Variants in IQSEC1 observed in about 807,000 individuals in gnomAD.
IQSEC1 encodes the protein IQ motif and SEC7 domain-containing protein 1.
A neutral mutation model predicts 91.0 loss-of-function variants in IQSEC1; 31 were observed. That is an observed-to-expected ratio of 0.34 (90% CI 0.26 to 0.46). The LOEUF is 0.46. Ranked by LOEUF, IQSEC1 falls within the 20% of genes least tolerant of loss-of-function variation. IQSEC1 has a pLI of 1.00. For missense variants in IQSEC1, 1,388 were observed against 1,575.6 expected, an observed-to-expected ratio of 0.88 and a Z score of 2.02; for synonymous variants, 699 against 662.6, an observed-to-expected ratio of 1.05 and a Z score of -0.84.
At chr3:13,022,826 T>C (rs988349396) in intron 1 of IQSEC1, among the ~76,000 whole-genome samples, 3 of 150,838 alleles carry the variant, frequency 2.0e-5, no homozygotes, top group East Asian at 3.9e-4. Context: ...TGGTTGGCCC[T>C]CCAAGGGTCT....
intron 2 of IQSEC1, among the ~76,000 whole-genome samples, chr3:13,147,636 C>T (rs11706255): frequency 0.58 from 88,179 of 151,982 alleles, 25,643 homozygotes; most frequent in Middle Eastern, 0.62. Context: ...ATGTATGTGC[C>T]GGTGTCTTAT....
intron 2 of IQSEC1, among the ~76,000 whole-genome samples, chr3:13,112,060 G>A (rs1414393894): frequency 6.6e-6 from 1 of 152,134 alleles, no homozygotes; most frequent in African/African-American, 2.4e-5. Flanking sequence ...TGCACACGCT[G>A]TTCCCCTGGT....
At chr3:13,173,845 A>G (rs1287646052) in intron 1 of IQSEC1, among the ~76,000 whole-genome samples, 2 of 152,136 alleles carry the variant, frequency 1.3e-5, no homozygotes, top group Non-Finnish European at 2.9e-5. Flanking sequence ...TAGAAATGCA[A>G]ATTCTCTGGC....
At chr3:13,200,619 G>T (rs1294501626) in intron 1 of IQSEC1, among the ~76,000 whole-genome samples, 1 of 152,238 alleles carries the variant, frequency 6.6e-6, no homozygotes, top group African/African-American at 2.4e-5. Context: ...TGACGGACAG[G>T]CAGCTGAAAG....
At chr3:12,956,227 A>C (rs73813741) in intron 1 of IQSEC1, among the ~76,000 whole-genome samples, 1 of 152,294 alleles carries the variant, frequency 6.6e-6, no homozygotes, top group East Asian at 1.9e-4. Flanking sequence ...CTTCCTGCCT[A>C]TTGACGGCAT....
chr3:12,931,938 C>T (rs893882447), intron 3 of IQSEC1, among the ~76,000 whole-genome samples: 7 of 152,228 alleles, frequency 4.6e-5, no homozygotes, highest in African/African-American at 7.2e-5. Flanking sequence ...CCAAGCCCTG[C>T]GTACATGTTT....
At chr3:12,953,358 G>A (rs891974931) in intron 1 of IQSEC1, among the ~76,000 whole-genome samples, 2 of 152,224 alleles carry the variant, frequency 1.3e-5, no homozygotes, top group Admixed American at 6.5e-5. Context: ...GGCGGAGACC[G>A]GCCTCACTGA....
intron 1 of IQSEC1, among the ~76,000 whole-genome samples, chr3:13,229,037 A>T (rs1413698238): frequency 1.3e-5 from 2 of 152,160 alleles, no homozygotes; most frequent in Non-Finnish European, 2.9e-5. Context: ...AGTATAGATT[A>T]TGGAATAAAC....
intron 2 of IQSEC1, among the ~76,000 whole-genome samples, chr3:13,100,438 C>T (rs1706036960): frequency 6.7e-6 from 1 of 148,704 alleles, no homozygotes; most frequent in Non-Finnish European, 1.5e-5. Context: ...CTGGGGTTGG[C>T]ACCCCAGGGT....
chr3:13,218,318 G>C (rs2125071080), intron 1 of IQSEC1, among the ~76,000 whole-genome samples: 1 of 152,324 alleles, frequency 6.6e-6, no homozygotes, highest in East Asian at 1.9e-4. Context: ...TAGTCCCCAG[G>C]GTCTGGCTCA....
chr3:13,000,948 C>CT (rs10553726), intron 1 of IQSEC1, among the ~76,000 whole-genome samples: 20,581 of 121,508 alleles, frequency 0.17, 2,162 homozygotes, highest in African/African-American at 0.27. Context: ...CCAAGTGAGT[C>CT]TTTTTTTTTT....
chr3:13,224,190 A>G (rs1694712124), intron 1 of IQSEC1, among the ~76,000 whole-genome samples: 1 of 152,128 alleles, frequency 6.6e-6, no homozygotes, highest in Admixed American at 6.5e-5. Flanking sequence ...GTTAGAGCCG[A>G]CATCGACCTC....
intron 2 of IQSEC1, among the ~76,000 whole-genome samples, chr3:13,113,733 T>A (rs1299458080): frequency 6.6e-6 from 1 of 152,064 alleles, no homozygotes; most frequent in East Asian, 1.9e-4. Flanking sequence ...GTGGGCCGCA[T>A]GGCAGGGGCT....
intron 1 of IQSEC1, among the ~76,000 whole-genome samples, chr3:13,175,634 A>C (rs1410944368): frequency 6.6e-6 from 1 of 152,242 alleles, no homozygotes; most frequent in Non-Finnish European, 1.5e-5. Context: ...CTGGGTTGCT[A>C]TAACAAAAAT....
chr3:13,260,757 G>A (rs962007981), intron 1 of IQSEC1, among the ~76,000 whole-genome samples: 1 of 145,074 alleles, frequency 6.9e-6, no homozygotes, highest in Admixed American at 6.8e-5. Context: ...CTCCTGGCAG[G>A]GTGCACGGGG....
chr3:13,223,466 T>C (rs112687368), intron 1 of IQSEC1, among the ~76,000 whole-genome samples: 3,699 of 152,278 alleles, frequency 0.024, 87 homozygotes, highest in African/African-American at 0.067. Flanking sequence ...GAGTCCTCCC[T>C]GCTGCAGAGG....
chr3:12,954,671 C>T (rs895334192), intron 1 of IQSEC1, among the ~76,000 whole-genome samples: 3 of 152,320 alleles, frequency 2.0e-5, no homozygotes, highest in African/African-American at 7.2e-5. Flanking sequence ...GAGGTCAGCT[C>T]GGGAAGGGCA....
At chr3:13,015,143 T>G (rs763665375) in intron 1 of IQSEC1, among the ~76,000 whole-genome samples, 1 of 152,126 alleles carries the variant, frequency 6.6e-6, no homozygotes, top group Non-Finnish European at 1.5e-5. Flanking sequence ...CTCTGAGGAC[T>G]TCTGACTTCT....
chr3:13,098,277 A>T (rs974236646), intron 2 of IQSEC1, among the ~76,000 whole-genome samples: 1 of 152,258 alleles, frequency 6.6e-6, no homozygotes, highest in South Asian at 2.1e-4. Context: ...GGAACCAACG[A>T]GGAAGCAAAC....
Sources: allele counts gnomAD v4.1 joint callset (sites outside exome capture counted in the v4.1 genomes callset), GRCh38; gene constraint gnomAD v4.1.1; transcripts MANE v1.5; gene names NCBI Gene and HGNC (gene_info 2026-07-23, HGNC 2026-07-21).